NCL: variants seen among roughly 807,000 people sequenced by gnomAD.
NCL encodes nucleolin multifunctional protein.
A neutral mutation model predicts 77.7 loss-of-function variants in NCL; 4 were observed. That is an observed-to-expected ratio of 0.05 (90% confidence interval 0.03 to 0.12). The LOEUF is 0.12. Among genes scored for constraint, NCL ranks in the 10% least tolerant of loss-of-function variants. The probability of loss-of-function intolerance (pLI) is 1.00; values close to 1 mark genes in which losing one functional copy is unlikely to be tolerated. For missense variants in NCL, 763 were observed against 860.9 expected, an observed-to-expected ratio of 0.89 and a Z score of 1.42; for synonymous variants, 344 against 297.8, an observed-to-expected ratio of 1.16 and a Z score of -1.60.
intron 3 of NCL, among the ~76,000 whole-genome samples, chr2:231,461,171 C>T (rs1289616417): frequency 6.6e-6 from 1 of 151,668 alleles, no homozygotes; most frequent in Non-Finnish European, 1.5e-5. Context: ...CCCAGCTACT[C>T]GGGAGGCTGA....
chr2:231,461,569 T>A lies in NCL; in HGVS notation c.584A>T (p.Asp195Val). The change falls in exon 3 of 14, where the codon GAT becomes GTT. Residue 195 changes from aspartate (D) to valine (V), a missense_variant. This residue lies in a region of NCL where 590 missense variants were observed against 570.5 expected (regional missense o/e 1.03). Transcript: ENST00000322723. The part of the protein sequence containing the change: ...EDEDDEDDED[D>V]EDDDDDEEDD... ...TTCCTCATCGTCATCGTCATCCTCA[T>A]CATCTTCGTCATCCTCATCGTCCTC... 2 of 1,613,396 alleles carry A rather than the reference T, an allele frequency of 1.2e-6. No homozygotes were observed. The highest frequency in any genetic ancestry group is 1.7e-6 in the Non-Finnish European group (2 of 1,179,342).
chr2:231,456,471 A>G (rs1355964081), intron 11 of NCL, 160 bp downstream of exon 11: 1 of 1,279,668 alleles, frequency 7.8e-7, no homozygotes, highest in Non-Finnish European at 1.1e-6. Flanking sequence ...TATCTAGAGG[A>G]ATTTTCTTGA....
At position 231,460,307 on chromosome 2, in the gene NCL, G is replaced by A. The variant is rs966993461; in HGVS notation, c.899-14C>T. The A allele has an allele frequency of 1.9e-6, 3 of 1,613,724 alleles. No individual in the cohort carries two copies. Among genetic ancestry groups the A allele is most frequent in the Non-Finnish European group, 2.5e-6 (3 of 1,179,900 alleles). ...TCGGTTCTGTGCCTGCACAAAAAAA[G>A]CTCAACTCAGTCTACTTGTAGTGTG... On this transcript the variant is annotated splice_polypyrimidine_tract_variant and intron_variant, in intron 5 of 13. Transcript: ENST00000322723.
At position 231,457,131 on chromosome 2, in the gene NCL, A is replaced by T; in HGVS notation, c.1448-7T>A. The T allele has an allele frequency of 6.2e-7, 1 of 1,613,650 alleles. No individual in the cohort carries two copies. The highest frequency in any genetic ancestry group is 1.1e-5 in the South Asian group (1 of 90,996). On this transcript the variant is annotated splice_region_variant and splice_polypyrimidine_tract_variant and intron_variant, in intron 9 of 13. Coordinates refer to ENST00000322723, the MANE Select transcript of NCL (RefSeq NM_005381.3). Reference sequence around the variant, plus strand: ...ACCAGAGTTTTTGATTCACCTGCAAATAGAGATGCCACATTCCTAAGACTC... The same window carrying T: ...ACCAGAGTTTTTGATTCACCTGCAATTAGAGATGCCACATTCCTAAGACTC...
intron 9 of NCL, chr2:231,457,398 A>C (rs1203851050): frequency 1.3e-6 from 1 of 749,032 alleles, no homozygotes; most frequent in Admixed American, 2.0e-5. Context: ...TTAAAGTATA[A>C]AACATGCCTA....
chr2:231,460,021 C>T (rs1559541608), intron 6 of NCL, 131 bp downstream of exon 6: 3 of 1,077,792 alleles, frequency 2.8e-6, no homozygotes, highest in Non-Finnish European at 2.7e-6. Flanking sequence ...TAACTTAGTT[C>T]ACTAATGCTA....
In NCL at chr2:231,457,794, A is replaced by T. The variant is rs201313646; in HGVS notation, c.1296T>A (p.Ala432=). The T allele has an allele frequency of 6.3e-5, 101 of 1,605,096 alleles. No homozygotes were observed. In the East Asian group the frequency reaches 2.1e-3, roughly 33 times the overall value. ...VSKDGKSKGI[A]YIEFKTEADA... is the part of the protein sequence containing the mutation. ...CAGCTTCTGTCTTAAATTCAATATAAGCAATCCTGCAATGGAGGGAGAAGA... is the reference window on the plus strand; with the variant it reads ...CAGCTTCTGTCTTAAATTCAATATATGCAATCCTGCAATGGAGGGAGAAGA... The change falls in exon 9 of 14, where the codon GCT becomes GCA. Residue 432 remains alanine, a synonymous_variant. Coordinates refer to ENST00000322723, the MANE Select transcript of NCL (RefSeq NM_005381.3).
chr2:231,459,449 T>C (rs1341476895), intron 6 of NCL, among the ~76,000 whole-genome samples: 2 of 152,150 alleles, frequency 1.3e-5, no homozygotes, highest in African/African-American at 2.4e-5. Context: ...TTCACTATGA[T>C]GACTAGACAG....
At chr2:231,456,589 A>T (rs769049326) in intron 11 of NCL, 42 bp downstream of exon 11, 24 of 1,610,886 alleles carry the variant, frequency 1.5e-5, no homozygotes, top group African/African-American at 9.4e-5. Flanking sequence ...AAGCACCGAG[A>T]GTGCTACCCC....
At chr2:231,462,144 G>T in intron 2 of NCL, 127 bp from the exon 3 acceptor site, 2 of 1,223,236 alleles carry the variant, frequency 1.6e-6, no homozygotes, top group Non-Finnish European at 2.4e-6. Context: ...AGACACATTA[G>T]CATGTTAAAC....
chr2:231,462,459 A>C (rs1333547465), intron 2 of NCL: 1 of 447,520 alleles, frequency 2.2e-6, no homozygotes, highest in Non-Finnish European at 4.5e-6. Flanking sequence ...AGCCCAGTGA[A>C]GCTCAATTCT....
intron 8 of NCL, 86 bp from the exon 9 acceptor site, chr2:231,457,886 A>T: frequency 1.6e-6 from 2 of 1,239,250 alleles, no homozygotes; most frequent in Non-Finnish European, 2.2e-6. Context: ...CTTGCTTCAG[A>T]TCTGAGTACA....
intron 6 of NCL, 130 bp downstream of exon 6, chr2:231,460,022 A>C: frequency 9.2e-7 from 1 of 1,090,998 alleles, no homozygotes; most frequent in Non-Finnish European, 1.3e-6. Flanking sequence ...AACTTAGTTC[A>C]CTAATGCTAA....
In NCL at chr2:231,458,791, T is replaced by A; in HGVS notation, c.1165+210A>T. ...CTGTATAAAAGTGCTCTTGCTTGCC[T>A]AACTCAGGAATTTACACTATAACAC... On this transcript the variant is annotated intron_variant, in intron 7 of 13. Coordinates refer to ENST00000322723, the MANE Select transcript of NCL (RefSeq NM_005381.3). 3 of 505,662 alleles carry A rather than the reference T, an allele frequency of 5.9e-6. No individual in the cohort carries two copies. In the South Asian group the frequency reaches 1.3e-4, roughly 22 times the overall value. 31.3% of individuals were successfully genotyped at this position (505,662 alleles called of 1,614,324 possible).
In NCL at chr2:231,458,335, T is replaced by C. The variant is rs2046911604; in HGVS notation, c.1220A>G (p.Asp407Gly). The change falls in exon 8 of 14, where the codon GAT becomes GGT. Residue 407 changes from aspartate to glycine, a missense_variant. Asp to Gly is a moderately conservative substitution (Grantham distance 94). Around this residue, in one of 2 missense-constraint regions of NCL, gnomAD observed 590 missense variants for 570.5 expected, o/e 1.03. Transcript: ENST00000322723. ...ATCTTCAAACACTTCTTTCAATTCA[T>C]CCTGAGTGACTTTGTAAGGGAGATT... ...AKNLPYKVTQ[D>G]ELKEVFEDAA... 6.2e-7 allele frequency: 1 copy of C among 1,614,076 alleles called. No individual in the cohort carries two copies. The highest frequency in any genetic ancestry group is 8.5e-7 in the Non-Finnish European group (1 of 1,179,988).
chr2:231,455,297 A>C, intron 13 of NCL, 30 bp from the exon 14 acceptor site: 1 of 1,614,106 alleles, frequency 6.2e-7, no homozygotes, highest in Non-Finnish European at 8.5e-7. Flanking sequence ...CACTGTTAAA[A>C]GAATGGGTAC....
At chr2:231,463,465 T>C in intron 1 of NCL, 149 bp from the exon 2 acceptor site, 1 of 700,556 alleles carries the variant, frequency 1.4e-6, no homozygotes, top group East Asian at 2.6e-5. Context: ...AAACTACTCC[T>C]GATGGCAATG....
chr2:231,464,305 C>T, intron 1 of NCL, 31 bp downstream of exon 1: 1 of 1,579,274 alleles, frequency 6.3e-7, no homozygotes, highest in South Asian at 1.2e-5. Flanking sequence ...AGCAGGCCTA[C>T]ACGTCTGCGC....
At chr2:231,463,956 G>C (rs2046976003) in intron 1 of NCL, 1 of 296,518 alleles carries the variant, frequency 3.4e-6, no homozygotes. Context: ...GGTCCCTCTG[G>C]AGATTCCAGG....
Sources: allele counts gnomAD v4.1 joint callset (sites outside exome capture counted in the v4.1 genomes callset), GRCh38; gene constraint gnomAD v4.1.1; regional missense constraint gnomAD v4.1.1; transcripts MANE v1.5; gene names NCBI Gene and HGNC (gene_info 2026-07-23, HGNC 2026-07-21).